The following CD2AP variants were observed in gnomAD, a reference collection of about 807,000 sequenced individuals.
CD2AP encodes CD2-associated protein.
A neutral mutation model predicts 85.1 loss-of-function variants in CD2AP; 46 were observed. That is an observed-to-expected ratio of 0.54 (90% CI 0.43 to 0.69). The LOEUF (loss-of-function observed/expected upper bound fraction) is 0.69, where lower values mean the gene tolerates loss of function less well. Ranked by LOEUF, CD2AP falls within the 30% of genes least tolerant of loss-of-function variation. The probability of loss-of-function intolerance (pLI) is 0.00; values close to 1 mark genes in which losing one functional copy is unlikely to be tolerated. For missense variants in CD2AP, 769 were observed against 729.5 expected, an observed-to-expected ratio of 1.05 and a Z score of -0.62; for synonymous variants, 255 against 252.9, an observed-to-expected ratio of 1.01 and a Z score of -0.08.
intron 8 of CD2AP, 28 bp from the exon 9 acceptor site, chr6:47,579,357 G>T (rs773234554): frequency 4.4e-5 from 49 of 1,123,148 alleles, no homozygotes; most frequent in Non-Finnish European, 5.9e-5. Flanking sequence ...AAGGTCTATT[G>T]TCTTAATTAT....
Position 47,612,551 on chromosome 6 carries a change from C to T in CD2AP, c.1878+15C>T. ...GTAATCTAGAGGTAATTAATTTCTT[C>T]CAGCATTGAGAGTTTAGTGAGCATA... On this transcript the variant is annotated intron_variant, in intron 17 of 17. Transcript: ENST00000359314. The T allele has an allele frequency of 6.4e-7, 1 of 1,573,766 alleles. No homozygotes were observed. Among genetic ancestry groups the T allele is most frequent in the Non-Finnish European group, 8.7e-7 (1 of 1,144,512 alleles).
intron 2 of CD2AP, among the ~76,000 whole-genome samples, chr6:47,516,525 GTT>G (rs1766457685): frequency 6.6e-6 from 1 of 152,206 alleles, no homozygotes; most frequent in South Asian, 2.1e-4. Flanking sequence ...CAGTGTGTGT[GTT>G]GACTGGTACT....
chr6:47,589,521 CACAT>C (rs201498860), intron 11 of CD2AP, among the ~76,000 whole-genome samples: 1,491 of 94,302 alleles, frequency 0.016, 17 homozygotes, highest in Non-Finnish European at 0.03. Flanking sequence ...CGTATGTACA[CACAT>C]ATATACACAT....
chr6:47,546,962 GACAA>G lies in CD2AP; in HGVS notation c.420+2262_420+2265del, dbSNP rs566044922. On this transcript the variant is annotated intron_variant, in intron 4 of 17. Transcript: ENST00000359314. Reference sequence around the variant, plus strand: ...TGAAGGAAACATACAGTCTTTTTCAGACAAACAAATGCTGAGAGAATTCACTACT... The same window carrying G: ...TGAAGGAAACATACAGTCTTTTTCAGACAAATGCTGAGAGAATTCACTACT... Among the ~76,000 whole-genome samples the G allele has an allele frequency of 2.6e-5, 4 of 152,234 alleles. No homozygotes were observed. In the East Asian group the frequency reaches 7.7e-4, roughly 29 times the overall value.
intron 12 of CD2AP, among the ~76,000 whole-genome samples, chr6:47,597,777 G>T (rs1186724421): frequency 1.6e-5 from 2 of 127,400 alleles, no homozygotes; most frequent in African/African-American, 2.5e-5. Context: ...GAGTAAGAAG[G>T]CAGGTACTGG....
At chr6:47,567,348 A>G (rs1273025575) in intron 5 of CD2AP, among the ~76,000 whole-genome samples, 5 of 152,188 alleles carry the variant, frequency 3.3e-5, no homozygotes, top group Non-Finnish European at 7.4e-5. Context: ...AATTCTAGAT[A>G]TAAATACAAT....
intron 4 of CD2AP, among the ~76,000 whole-genome samples, chr6:47,549,489 T>A (rs1404780509): frequency 6.8e-6 from 1 of 146,942 alleles, no homozygotes; most frequent in Non-Finnish European, 1.5e-5. Context: ...AATAAGATGC[T>A]TAGGAATATA....
intron 17 of CD2AP, among the ~76,000 whole-genome samples, chr6:47,622,911 A>C (rs887025316): frequency 6.6e-5 from 10 of 152,222 alleles, no homozygotes; most frequent in Admixed American, 3.3e-4. Flanking sequence ...AGCAGTTTAC[A>C]AGAAGTATTG....
At chr6:47,525,838 T>C (rs773241638) in intron 2 of CD2AP, among the ~76,000 whole-genome samples, 1 of 152,140 alleles carries the variant, frequency 6.6e-6, no homozygotes, top group Non-Finnish European at 1.5e-5. Flanking sequence ...ATATTGTATT[T>C]TTTCTTGGCA....
intron 5 of CD2AP, among the ~76,000 whole-genome samples, chr6:47,565,306 T>A (rs1408325178): frequency 1.3e-5 from 2 of 152,178 alleles, no homozygotes; most frequent in African/African-American, 4.8e-5. Flanking sequence ...AAGTGTTATG[T>A]TTCGGTTTTG....
At chr6:47,595,236 T>A (rs1039125940) in intron 11 of CD2AP, among the ~76,000 whole-genome samples, 3 of 152,000 alleles carry the variant, frequency 2.0e-5, no homozygotes, top group Non-Finnish European at 4.4e-5. Context: ...TCCAGCTTAT[T>A]TTCTTCTACT....
intron 17 of CD2AP, among the ~76,000 whole-genome samples, chr6:47,615,789 TTTAA>T (rs1554129255): frequency 1.1e-5 from 1 of 89,718 alleles, no homozygotes; most frequent in Non-Finnish European, 2.5e-5. Flanking sequence ...TTTAATTTAA[TTTAA>T]TTTATTTATT....
At position 47,599,283 on chromosome 6, in the gene CD2AP, G is replaced by A. The variant is rs886038583; in HGVS notation, c.1275-18G>A. 1.1e-5 allele frequency: 18 copies of A among 1,608,656 alleles called. No individual in the cohort carries two copies. The highest frequency in any genetic ancestry group is 1.5e-5 in the Non-Finnish European group (18 of 1,176,200). The stretch of plus-strand genomic sequence containing the variant: ...TGTTTCATACTAGTGATTTTTGCGT[G>A]TTTTTTTCTTATTTCAGGATTAATG... On this transcript the variant is annotated intron_variant, in intron 12 of 17. Transcript: ENST00000359314.
chr6:47,528,890 A>C lies in CD2AP; in HGVS notation c.166-4712A>C, dbSNP rs962022928. On this transcript the variant is annotated intron_variant, in intron 2 of 17. Coordinates refer to ENST00000359314, the MANE Select transcript of CD2AP (RefSeq NM_012120.3). ...TTGTTGACTTTTAATATTTCTTTGT[A>C]TATCTCAAATGACAGTCTTAGGCAT... 2.6e-5 allele frequency among the ~76,000 whole-genome samples: 4 copies of C among 152,092 alleles called. No homozygotes were observed. In the South Asian group the frequency reaches 8.3e-4, roughly 32 times the overall value.
chr6:47,564,022 C>G (rs1767929002), intron 5 of CD2AP, among the ~76,000 whole-genome samples: 1 of 152,080 alleles, frequency 6.6e-6, no homozygotes, highest in South Asian at 2.1e-4. Flanking sequence ...AGGTAGGAAT[C>G]AGTGGAGAAG....
chr6:47,603,580 G>C (rs557011268), intron 13 of CD2AP, among the ~76,000 whole-genome samples: 4 of 152,116 alleles, frequency 2.6e-5, no homozygotes, highest in African/African-American at 7.2e-5. Flanking sequence ...AAAGACAAAG[G>C]AATAAACCTA....
chr6:47,531,005 C>T (rs1766860525), intron 2 of CD2AP, among the ~76,000 whole-genome samples: 1 of 151,888 alleles, frequency 6.6e-6, no homozygotes, highest in Non-Finnish European at 1.5e-5. Flanking sequence ...GTACCAGCAC[C>T]CTGGGAGGCC....
At chr6:47,542,726 C>G (rs1186037603) in intron 3 of CD2AP, among the ~76,000 whole-genome samples, 1 of 152,092 alleles carries the variant, frequency 6.6e-6, no homozygotes, top group East Asian at 1.9e-4. Context: ...GTTATAGCAG[C>G]ACAAATAAAC....
chr6:47,569,803 G>T (rs868771858), intron 5 of CD2AP, among the ~76,000 whole-genome samples: 3 of 152,084 alleles, frequency 2.0e-5, no homozygotes, highest in Non-Finnish European at 4.4e-5. Flanking sequence ...AGGAGTCAAG[G>T]TATTATACAG....
Sources: allele counts gnomAD v4.1 joint callset (sites outside exome capture counted in the v4.1 genomes callset), GRCh38; gene constraint gnomAD v4.1.1; transcripts MANE v1.5; gene names NCBI Gene and HGNC (gene_info 2026-07-23, HGNC 2026-07-21).